The following AREL1 variants were observed in gnomAD, a reference collection of about 807,000 sequenced individuals.
AREL1 encodes apoptosis-resistant E3 ubiquitin protein ligase 1.
A neutral mutation model predicts 99.0 loss-of-function variants in AREL1; 62 were observed. That is an observed-to-expected ratio of 0.63 (90% CI 0.51 to 0.77). The LOEUF (loss-of-function observed/expected upper bound fraction) is 0.77. AREL1 is among the 30% of genes least tolerant of loss of function. The pLI is 0.00. For synonymous variants in AREL1, 380 were observed against 376.5 expected, an observed-to-expected ratio of 1.01 and a Z score of -0.11; for missense variants, 879 against 1,027.6, an observed-to-expected ratio of 0.86 and a Z score of 1.98.
rs777263416 is a variant in AREL1, at chr14:74,664,074, C to T, written c.2194G>A (p.Val732Ile). Residue 732 changes from valine to isoleucine, a missense_variant and splice_region_variant, in exon 19 of 20, where the codon GTC becomes ATC. Transcript: ENST00000356357. ...VGGSWHFREK[V>I]MRWFWTVVSS... is the part of the protein sequence containing the mutation. ...ACCACAGTCCAAAACCACCTCATGACCTGGCAGGGAGAGCACAAGGCTGGG... is the reference window on the plus strand; with the variant it reads ...ACCACAGTCCAAAACCACCTCATGATCTGGCAGGGAGAGCACAAGGCTGGG... The T allele has an allele frequency of 1.4e-5, 22 of 1,612,574 alleles. No homozygotes were observed. The highest frequency in any genetic ancestry group is 1.8e-5 in the Non-Finnish European group (21 of 1,179,250).
chr14:74,682,506 C>T (rs1016423565), intron 5 of AREL1, among the ~76,000 whole-genome samples: 2 of 152,114 alleles, frequency 1.3e-5, no homozygotes, highest in African/African-American at 2.4e-5. Context: ...AAATAAAATA[C>T]GGCATGTACA....
intron 7 of AREL1, 86 bp downstream of exon 7, chr14:74,676,055 A>C: frequency 2.6e-6 from 4 of 1,552,904 alleles, no homozygotes; most frequent in Non-Finnish European, 3.5e-6. Context: ...CAAATATCAA[A>C]TGTTTGTGAG....
At position 74,679,554 on chromosome 14, in the gene AREL1, C is replaced by T. The variant is rs138747563; in HGVS notation, c.482-2802G>A. On this transcript the variant is annotated intron_variant, in intron 5 of 19. Transcript: ENST00000356357. Reference sequence around the variant, plus strand: ...GTAAAAAGCCAAAATGGGCCGGGCACGGTGGTTCATGCCTGTAATCCTAGC... The same window carrying T: ...GTAAAAAGCCAAAATGGGCCGGGCATGGTGGTTCATGCCTGTAATCCTAGC... Among the ~76,000 whole-genome samples, 550 of 152,156 alleles carry T rather than the reference C, an allele frequency of 3.6e-3. 4 individuals carry two copies. Among genetic ancestry groups the T allele is most frequent in the African/African-American group, 0.011 (476 of 41,514 alleles).
At chr14:74,692,440 T>C (rs759214091) in intron 1 of AREL1, 112 bp from the exon 2 acceptor site, 2 of 328,472 alleles carry the variant, frequency 6.1e-6, no homozygotes, top group Non-Finnish European at 5.9e-6. Flanking sequence ...CCTGGGACAC[T>C]AAAAATAACC....
At position 74,691,637 on chromosome 14, in the gene AREL1, C is replaced by T. The variant is rs372836699; in HGVS notation, c.-46+404G>A. 7.2e-5 allele frequency among the ~76,000 whole-genome samples: 11 copies of T among 152,228 alleles called. No homozygotes were observed. In the East Asian group the frequency reaches 1.5e-3, roughly 21 times the overall value. On this transcript the variant is annotated intron_variant, in intron 2 of 19. Coordinates refer to ENST00000356357, the MANE Select transcript of AREL1 (RefSeq NM_001039479.2). ...TTCTCTAGTGCAGAAATATCACTTGCTTACGAAGGATCCTGGTCTGGTTGC... is the reference window on the plus strand; with the variant it reads ...TTCTCTAGTGCAGAAATATCACTTGTTTACGAAGGATCCTGGTCTGGTTGC...
chr14:74,671,888 T>C (rs1174334595), intron 11 of AREL1: 2 of 360,882 alleles, frequency 5.5e-6, no homozygotes, highest in Non-Finnish European at 1.1e-5. Flanking sequence ...TAGACATATT[T>C]ATCCACAAGG....
At chr14:74,683,559 T>C (rs756324506) in intron 4 of AREL1, 26 bp from the exon 5 acceptor site, 8 of 1,606,628 alleles carry the variant, frequency 5.0e-6, no homozygotes, top group South Asian at 1.1e-5. Context: ...GAAGGACACC[T>C]GTTAGCAAGC....
chr14:74,675,009 T>C (rs373397978), intron 8 of AREL1, among the ~76,000 whole-genome samples: 45 of 152,324 alleles, frequency 3.0e-4, no homozygotes, highest in African/African-American at 1.0e-3. Context: ...TTTATCTGAA[T>C]GTGCAGGTCA....
At chr14:74,700,028 A>C (rs2090054153) in intron 1 of AREL1, among the ~76,000 whole-genome samples, 1 of 152,240 alleles carries the variant, frequency 6.6e-6, no homozygotes, top group Admixed American at 6.5e-5. Flanking sequence ...ACCCACAGCA[A>C]GTGAGGAAGA....
intron 1 of AREL1, chr14:74,698,791 A>G (rs751230740): frequency 1.2e-5 from 3 of 257,528 alleles, no homozygotes; most frequent in Non-Finnish European, 2.5e-5. Context: ...TGGGAGGCTG[A>G]GGTGGGAGGA....
intron 8 of AREL1, 108 bp downstream of exon 8, chr14:74,675,591 C>T: frequency 7.0e-7 from 1 of 1,436,252 alleles, no homozygotes; most frequent in Non-Finnish European, 9.3e-7. Context: ...AACTAGTTAA[C>T]AATCTTGCCC....
chr14:74,687,771 T>C (rs751380411), intron 2 of AREL1, among the ~76,000 whole-genome samples: 4 of 152,138 alleles, frequency 2.6e-5, no homozygotes, highest in Non-Finnish European at 5.9e-5. Context: ...ATTACAATTA[T>C]TATCAATAGT....
At chr14:74,712,122 G>C (rs2090323838) in intron 1 of AREL1, 1 of 137,206 alleles carries the variant, frequency 7.3e-6, no homozygotes, top group Admixed American at 7.5e-5. Context: ...TACAAGTACA[G>C]ACTTTGGAAT....
At chr14:74,671,521 T>C (rs1765642572) in intron 11 of AREL1, 38 bp from the exon 12 acceptor site, 2 of 1,405,502 alleles carry the variant, frequency 1.4e-6, no homozygotes, top group Non-Finnish European at 2.0e-6. Flanking sequence ...GTCAGAACAC[T>C]GGCTGGTGTC....
chr14:74,670,726 T>G lies in AREL1; in HGVS notation c.1608+36A>C, dbSNP rs753595177. 1.1e-5 allele frequency: 18 copies of G among 1,573,016 alleles called. No homozygotes were observed. The Admixed American group carries it at 3.0e-4, about 26-fold the overall frequency. On this transcript the variant is annotated intron_variant, in intron 13 of 19. Transcript: ENST00000356357. ...CCTTGTTAGTCTACCCATGATAACATAATCCACATTTTCCACCCACCCGTC... is the reference window on the plus strand; with the variant it reads ...CCTTGTTAGTCTACCCATGATAACAGAATCCACATTTTCCACCCACCCGTC...
At chr14:74,692,863 C>T (rs570637087) in intron 1 of AREL1, among the ~76,000 whole-genome samples, 2 of 152,078 alleles carry the variant, frequency 1.3e-5, no homozygotes. Context: ...ACTACCACAC[C>T]TGGCTAATTT....
rs769063450 is a variant in AREL1 at position 74,671,460 on chromosome 14, G to A, written c.1446C>T (p.Phe482=). Residue 482 remains phenylalanine, a synonymous_variant, in exon 12 of 20, where the codon TTC becomes TTT. Coordinates refer to ENST00000356357, the MANE Select transcript of AREL1 (RefSeq NM_001039479.2). ...AGTTCTTGCTCCAATCTGAGATGGA[G>A]AAATTCCGAGTGGCTTTCAGAGACT... The part of the protein sequence containing the change: ...LESSLKATRN[F]SISDWSKNFE... 1.3e-6 allele frequency: 2 copies of A among 1,596,910 alleles called. No homozygotes were observed. Among genetic ancestry groups the A allele is most frequent in the East Asian group, 4.6e-5 (2 of 43,342 alleles).
chr14:74,662,529 C>T lies in AREL1; in HGVS notation c.*1191G>A, dbSNP rs1349942476. 1 of 398,550 alleles carries T rather than the reference C, an allele frequency of 2.5e-6. No homozygotes were observed. Among genetic ancestry groups the T allele is most frequent in the South Asian group, 1.3e-4 (1 of 7,850 alleles). The allele number at this position is 398,550 out of a possible 1,614,324, so 24.7% of individuals were successfully genotyped here. On this transcript the variant is annotated 3_prime_UTR_variant, in exon 20 of 20. Transcript: ENST00000356357. The stretch of plus-strand genomic sequence containing the variant: ...GATACAGCAGCAGGTACTCTTCAAT[C>T]ATCATTCAACAGTGAACCTAATAAG...
chr14:74,676,768 T>C lies in AREL1; in HGVS notation c.482-16A>G, dbSNP rs763908423. The C allele has an allele frequency of 6.5e-7, 1 of 1,537,794 alleles. No individual in the cohort carries two copies. The highest frequency in any genetic ancestry group is 8.7e-7 in the Non-Finnish European group (1 of 1,146,056). ...ACCACCATTCCTGGAACAAAGACAA[T>C]GGAATCTAACATTTATTTATTTTAT... On this transcript the variant is annotated splice_polypyrimidine_tract_variant and intron_variant, in intron 5 of 19. Transcript: ENST00000356357.
Sources: allele counts gnomAD v4.1 joint callset (sites outside exome capture counted in the v4.1 genomes callset), GRCh38; gene constraint gnomAD v4.1.1; transcripts MANE v1.5; gene names NCBI Gene and HGNC (gene_info 2026-07-23, HGNC 2026-07-21).